Variants in DENND4C observed in about 807,000 individuals in gnomAD.
DENND4C encodes DENN domain containing 4C.
In DENND4C, 108 loss-of-function variants were observed where a neutral mutation model predicts 203.0. That is an observed-to-expected ratio of 0.53 (90% CI 0.46 to 0.62). The LOEUF is 0.62. DENND4C is among the 20% of genes least tolerant of loss of function. DENND4C has a pLI of 0.00. For synonymous variants in DENND4C, 871 were observed against 792.4 expected, an observed-to-expected ratio of 1.10 and a Z score of -1.67; for missense variants, 2,481 against 2,301.2, an observed-to-expected ratio of 1.08 and a Z score of -1.60.
chr9:19,346,781 G>A lies in DENND4C; in HGVS notation c.4012G>A (p.Glu1338Lys), dbSNP rs1822994698. 1 of 1,614,154 alleles carries A rather than the reference G, an allele frequency of 6.2e-7. No homozygotes were observed. Among genetic ancestry groups the A allele is most frequent in the Non-Finnish European group, 8.5e-7 (1 of 1,180,022 alleles). Reference sequence around the variant, plus strand: ...TTTAGATCATGGTTCACCAGCACAGGAAAATCCTGAAAGTGAAAAGAGCTC... The same window carrying A: ...TTTAGATCATGGTTCACCAGCACAGAAAAATCCTGAAAGTGAAAAGAGCTC... ...LPLDHGSPAQ[E>K]NPESEKSSPA... The change falls in exon 23 of 33, where the codon GAA (glutamate) becomes AAA (lysine). Residue 1338 changes from glutamate to lysine, a missense_variant. Coordinates refer to ENST00000434457, the MANE Select transcript of DENND4C (RefSeq NM_001330640.2).
At position 19,296,028 on chromosome 9, in the gene DENND4C, G is replaced by T; in HGVS notation, c.822G>T (p.Gln274His). 15 of 1,613,982 alleles carry T rather than the reference G, an allele frequency of 9.3e-6. No individual in the cohort carries two copies. Among genetic ancestry groups the T allele is most frequent in the Non-Finnish European group, 1.2e-5 (14 of 1,179,906 alleles). ...TTTAGGTATATGGAGCTGCCATTCA[G>T]TTTTATGAACCTTACTCTCGGGAAC... is the stretch of plus-strand genomic sequence containing the variant. Reference protein sequence around the residue: ...SAKKVYGAAIQFYEPYSRELL... With the variant: ...SAKKVYGAAIHFYEPYSRELL... Residue 274 changes from glutamine to histidine, a missense_variant, in exon 6 of 33, where the codon CAG becomes CAT. By Grantham distance (24) the Gln-to-His change is conservative (BLOSUM62 0). Coordinates refer to ENST00000434457, the MANE Select transcript of DENND4C (RefSeq NM_001330640.2).
chr9:19,364,737 A>G (rs1563845401), intron 30 of DENND4C, among the ~76,000 whole-genome samples: 1 of 152,184 alleles, frequency 6.6e-6, no homozygotes, highest in Non-Finnish European at 1.5e-5. Flanking sequence ...TACTAAAAAT[A>G]CAAAAAAATT....
At chr9:19,295,275 G>A (rs1837203647) in intron 5 of DENND4C, among the ~76,000 whole-genome samples, 1 of 152,240 alleles carries the variant, frequency 6.6e-6, no homozygotes, top group African/African-American at 2.4e-5. Flanking sequence ...GAAGGCCGAG[G>A]TGGGCGGATC....
rs1403533860 is a variant in DENND4C at position 19,279,253 on chromosome 9, C to T, written c.305+2774C>T. Among the ~76,000 whole-genome samples the T allele has an allele frequency of 2.7e-5, 4 of 146,640 alleles. 1 individual carries two copies. Among genetic ancestry groups the T allele is most frequent in the Non-Finnish European group, 3.0e-5 (2 of 66,732 alleles). ...CTGAGGCAGGAGAATCACTTGAACCCGGGAGGCGGAGGTTGCAGTGAACCA... is the reference window on the plus strand; with the variant it reads ...CTGAGGCAGGAGAATCACTTGAACCTGGGAGGCGGAGGTTGCAGTGAACCA... On this transcript the variant is annotated intron_variant, in intron 2 of 32. Coordinates refer to ENST00000434457, the MANE Select transcript of DENND4C (RefSeq NM_001330640.2).
chr9:19,350,597 T>G, intron 23 of DENND4C, 105 bp from the exon 24 acceptor site: 1 of 902,122 alleles, frequency 1.1e-6, no homozygotes, highest in Admixed American at 3.0e-5. Flanking sequence ...GGATGATGAT[T>G]TGTTTAAGGA....
intron 30 of DENND4C, among the ~76,000 whole-genome samples, chr9:19,362,687 G>C (rs1283158571): frequency 6.6e-6 from 1 of 152,136 alleles, no homozygotes; most frequent in East Asian, 1.9e-4. Context: ...GCTATTTTGA[G>C]AGTAAATTCT....
chr9:19,279,300 G>C, intron 2 of DENND4C, among the ~76,000 whole-genome samples: 1 of 82,034 alleles, frequency 1.2e-5, no homozygotes, highest in East Asian at 6.1e-4. Context: ...CTGCACTCCA[G>C]CCTCCCTAAT....
rs1589008905 is a variant in DENND4C at position 19,373,739 on chromosome 9, G to T, written c.*1566G>T. Among the ~76,000 whole-genome samples, 1 of 152,106 alleles carries T rather than the reference G, an allele frequency of 6.6e-6. No individual in the cohort carries two copies. Among genetic ancestry groups the T allele is most frequent in the African/African-American group, 2.4e-5 (1 of 41,448 alleles). On this transcript the variant is annotated 3_prime_UTR_variant, in exon 33 of 33. Coordinates refer to ENST00000434457, the MANE Select transcript of DENND4C (RefSeq NM_001330640.2). ...TGGTTTAAAAAGCCATTGGTTTTGT[G>T]TGTGTTTACAGTAATTATGCAGATG... is the stretch of plus-strand genomic sequence containing the variant.
intron 22 of DENND4C, among the ~76,000 whole-genome samples, chr9:19,344,814 TAAAAA>T (rs137870294): frequency 1.2e-4 from 18 of 151,184 alleles, no homozygotes; most frequent in Non-Finnish European, 1.0e-4. Flanking sequence ...AACCCTAACT[TAAAAA>T]AAAATAAAAG....
chr9:19,370,151 CAA>C, intron 31 of DENND4C, 164 bp downstream of exon 31: 1 of 852,940 alleles, frequency 1.2e-6, no homozygotes, highest in Non-Finnish European at 1.8e-6. Context: ...TACTTGAACA[CAA>C]ACACATAATA....
chr9:19,262,946 G>A (rs1354086365), intron 1 of DENND4C, among the ~76,000 whole-genome samples: 1 of 152,110 alleles, frequency 6.6e-6, no homozygotes, highest in African/African-American at 2.4e-5. Flanking sequence ...TTATGTAATC[G>A]CTCTAGCTAG....
chr9:19,300,421 A>G, intron 9 of DENND4C, 90 bp downstream of exon 9: 2 of 1,232,948 alleles, frequency 1.6e-6, no homozygotes, highest in Non-Finnish European at 2.1e-6. Context: ...AACTTTGTAA[A>G]CAACAACAAA....
chr9:19,347,139 C>T, intron 23 of DENND4C, 53 bp downstream of exon 23: 3 of 1,475,728 alleles, frequency 2.0e-6, no homozygotes, highest in Non-Finnish European at 2.8e-6. Context: ...TTTATAGTAT[C>T]TTTCTAGAAA....
intron 1 of DENND4C, among the ~76,000 whole-genome samples, chr9:19,272,506 C>G (rs1039947812): frequency 2.0e-5 from 3 of 152,040 alleles, no homozygotes; most frequent in Admixed American, 1.3e-4. Flanking sequence ...TCCCTCCCAC[C>G]TCGGCCTCCC....
intron 2 of DENND4C, among the ~76,000 whole-genome samples, chr9:19,283,105 C>T (rs1027652351): frequency 9.9e-5 from 15 of 152,044 alleles, no homozygotes; most frequent in Admixed American, 9.8e-4. Flanking sequence ...TGGCCTCAAG[C>T]AATTCTGCAT....
intron 26 of DENND4C, among the ~76,000 whole-genome samples, chr9:19,354,680 T>C (rs1277178631): frequency 3.3e-5 from 5 of 149,962 alleles, no homozygotes; most frequent in African/African-American, 4.9e-5. Flanking sequence ...GCCTCCCGAG[T>C]AGCTGGGAGT....
Position 19,252,394 on chromosome 9 carries a change from C to A in DENND4C, c.-18+21561C>A, listed in dbSNP as rs564234458. Reference sequence around the variant, plus strand: ...ATTCAAGATAAGATTTGGGTGGGAACACAGCCAAACCGTATCATCTACATT... The same window carrying A: ...ATTCAAGATAAGATTTGGGTGGGAAAACAGCCAAACCGTATCATCTACATT... On this transcript the variant is annotated intron_variant, in intron 1 of 32. Transcript: ENST00000434457. Among the ~76,000 whole-genome samples, 106 of 152,070 alleles carry A rather than the reference C, an allele frequency of 7.0e-4. 1 individual carries two copies. The highest frequency in any genetic ancestry group is 2.5e-3 in the African/African-American group (105 of 41,488).
At chr9:19,362,031 T>A (rs1029951333) in intron 30 of DENND4C, 68 bp downstream of exon 30, 1 of 986,980 alleles carries the variant, frequency 1.0e-6, no homozygotes, top group African/African-American at 1.6e-5. Context: ...GCCAGCACTT[T>A]GGGAGGCCTA....
intron 27 of DENND4C, 28 bp from the exon 28 acceptor site, chr9:19,357,937 T>C: frequency 6.5e-7 from 1 of 1,535,240 alleles, no homozygotes; most frequent in Non-Finnish European, 8.9e-7. Context: ...AACATGAACA[T>C]AGCATTTCTT....
Sources: allele counts gnomAD v4.1 joint callset (sites outside exome capture counted in the v4.1 genomes callset), GRCh38; gene constraint gnomAD v4.1.1; transcripts MANE v1.5; gene names NCBI Gene and HGNC (gene_info 2026-07-23, HGNC 2026-07-21).